Variants in ADGRB3 observed in about 807,000 individuals in gnomAD.
ADGRB3 encodes brain-specific angiogenesis inhibitor 3.
ADGRB3 carries 37 observed loss-of-function variants against 193.4 expected under a neutral mutation model. That is an observed-to-expected ratio of 0.19 (90% CI 0.15 to 0.25). ADGRB3 has a LOEUF of 0.25. Among genes scored for constraint, ADGRB3 ranks in the 10% least tolerant of loss-of-function variants. The pLI is 1.00. For synonymous variants in ADGRB3, 690 were observed against 644.2 expected (o/e 1.07, Z -1.08); for missense variants, 1,637 against 1,852.9 (o/e 0.88, Z 2.14).
At chr6:68,779,228 T>TTGTGTGTGTG (rs758753009) in intron 3 of ADGRB3, among the ~76,000 whole-genome samples, 3 of 93,292 alleles carry the variant, frequency 3.2e-5, no homozygotes, top group African/African-American at 1.2e-4. Context: ...TATGTATATA[T>TTGTGTGTGTG]TATGTGTGTG....
intron 17 of ADGRB3, among the ~76,000 whole-genome samples, chr6:69,106,336 G>T (rs911425331): frequency 3.3e-5 from 5 of 152,038 alleles, no homozygotes; most frequent in Non-Finnish European, 7.4e-5. Flanking sequence ...CCAGGCATAT[G>T]CTTGTAAAGG....
chr6:69,341,879 C>G (rs555543856), intron 26 of ADGRB3, among the ~76,000 whole-genome samples: 2 of 151,950 alleles, frequency 1.3e-5, no homozygotes, highest in Admixed American at 6.6e-5. Flanking sequence ...ATACTAATAC[C>G]TTAGGTGTTT....
At chr6:69,382,477 GTTTAAGT>G (rs565360982) in intron 30 of ADGRB3, among the ~76,000 whole-genome samples, 52 of 152,012 alleles carry the variant, frequency 3.4e-4, no homozygotes, top group African/African-American at 1.2e-3. Context: ...TGCTTTACAA[GTTTAAGT>G]TTTTAAACAT....
chr6:68,940,207 C>T (rs529108201), intron 5 of ADGRB3, among the ~76,000 whole-genome samples: 4 of 152,200 alleles, frequency 2.6e-5, no homozygotes, highest in African/African-American at 7.2e-5. Context: ...AAAAATAGAG[C>T]GCTACTTTCA....
chr6:68,843,017 T>C (rs74613377), intron 3 of ADGRB3, among the ~76,000 whole-genome samples: 4,522 of 148,782 alleles, frequency 0.03, 199 homozygotes, highest in African/African-American at 0.11. Flanking sequence ...GTAGAAAGAA[T>C]GTACCTCAAC....
At chr6:69,311,142 T>C (rs1207225605) in intron 20 of ADGRB3, among the ~76,000 whole-genome samples, 2 of 151,766 alleles carry the variant, frequency 1.3e-5, no homozygotes, top group Admixed American at 6.6e-5. Flanking sequence ...TCTTAACCAG[T>C]GGACTGAAAT....
intron 24 of ADGRB3, among the ~76,000 whole-genome samples, chr6:69,336,002 T>TATA (rs1768837793): frequency 6.6e-6 from 1 of 152,058 alleles, no homozygotes; most frequent in South Asian, 2.1e-4. Context: ...TAACAAGTTT[T>TATA]ATAATACACA....
intron 30 of ADGRB3, among the ~76,000 whole-genome samples, chr6:69,373,529 G>T (rs1769749542): frequency 6.6e-6 from 1 of 152,004 alleles, no homozygotes. Context: ...TTTTAATACT[G>T]ATGCAGCCTC....
intron 26 of ADGRB3, among the ~76,000 whole-genome samples, chr6:69,340,775 C>A (rs1334258008): frequency 6.6e-6 from 1 of 152,112 alleles, no homozygotes; most frequent in Admixed American, 6.6e-5. Context: ...AGCCCCCCAC[C>A]CTTGACAGGA....
At chr6:69,200,262 C>T (rs1330433350) in intron 17 of ADGRB3, among the ~76,000 whole-genome samples, 2 of 151,758 alleles carry the variant, frequency 1.3e-5, no homozygotes, top group Non-Finnish European at 2.9e-5. Context: ...TTCACAAAAG[C>T]AACCATTTTG....
At chr6:69,353,522 C>T (rs1769270897) in intron 26 of ADGRB3, among the ~76,000 whole-genome samples, 2 of 151,998 alleles carry the variant, frequency 1.3e-5, no homozygotes. Context: ...TGAATAATCT[C>T]ATTTTTCGTA....
At chr6:68,767,533 T>A (rs644877) in intron 3 of ADGRB3, among the ~76,000 whole-genome samples, 130,093 of 152,116 alleles carry the variant, frequency 0.86, 56,166 homozygotes, top group African/African-American at 0.96. Context: ...TATTGATGGA[T>A]CGTATCTCAA....
chr6:69,000,961 A>T (rs542335009), intron 11 of ADGRB3, among the ~76,000 whole-genome samples: 1 of 152,348 alleles, frequency 6.6e-6, no homozygotes, highest in South Asian at 2.1e-4. Context: ...GTACCACATA[A>T]TACCATTATT....
At chr6:69,097,709 T>C (rs2150319957) in intron 17 of ADGRB3, among the ~76,000 whole-genome samples, 1 of 152,206 alleles carries the variant, frequency 6.6e-6, no homozygotes, top group Middle Eastern at 3.4e-3. Flanking sequence ...TGTGTGTGTG[T>C]GTGTGTATAT....
chr6:69,202,733 A>T (rs2150358364), intron 17 of ADGRB3, among the ~76,000 whole-genome samples: 1 of 152,290 alleles, frequency 6.6e-6, no homozygotes, highest in East Asian at 1.9e-4. Context: ...GAATAAAGAA[A>T]AGCTGGGTAT....
chr6:69,324,648 T>A (rs1199288878), intron 20 of ADGRB3, among the ~76,000 whole-genome samples: 1 of 152,170 alleles, frequency 6.6e-6, no homozygotes, highest in Non-Finnish European at 1.5e-5. Flanking sequence ...CATAAAAAAT[T>A]AAGTGCAAAA....
intron 5 of ADGRB3, among the ~76,000 whole-genome samples, chr6:68,940,547 CTTTTTTTTTT>C: frequency 8.7e-5 from 6 of 69,208 alleles, no homozygotes; most frequent in Non-Finnish European, 2.6e-5. Flanking sequence ...TGCTTTTGAA[CTTTTTTTTTT>C]TTTTTTTTTT....
chr6:69,282,072 G>A (rs1767448652), intron 20 of ADGRB3, among the ~76,000 whole-genome samples: 1 of 152,088 alleles, frequency 6.6e-6, no homozygotes, highest in Admixed American at 6.5e-5. Context: ...TGCGTACCAG[G>A]AGCTCAGAAT....
chr6:68,889,589 G>A (rs541214560), intron 3 of ADGRB3, among the ~76,000 whole-genome samples: 109 of 150,622 alleles, frequency 7.2e-4, no homozygotes, highest in African/African-American at 2.5e-3. Context: ...TGCAAGCTCC[G>A]CCTCCTGGGT....
Sources: gnomAD v4.1 joint callset for allele counts (sites outside exome capture counted in the v4.1 genomes callset) on GRCh38, gnomAD v4.1.1 for gene constraint, MANE v1.5 for transcripts, NCBI Gene and HGNC (gene_info 2026-07-23, HGNC 2026-07-21) for gene names.